RIOK2: variants seen among roughly 807,000 people sequenced by gnomAD.
RIOK2 encodes RIO kinase 2.
In RIOK2, 46 loss-of-function variants were observed where a neutral mutation model predicts 62.4. That is an observed-to-expected ratio of 0.74 (90% CI 0.58 to 0.94). The LOEUF is 0.94. Among genes scored for constraint, RIOK2 ranks in the 40% least tolerant of loss-of-function variants. RIOK2 has a pLI of 0.00. For missense variants in RIOK2, 574 were observed against 658.0 expected (o/e 0.87, Z 1.40); for synonymous variants, 197 against 216.0 (o/e 0.91, Z 0.77).
chr5:97,176,226 T>C (rs981901503), intron 4 of RIOK2: 2 of 152,262 alleles, frequency 1.3e-5, no homozygotes, highest in Non-Finnish European at 2.9e-5. Flanking sequence ...CAATACATTT[T>C]GTTTACTATA....
intron 4 of RIOK2, among the ~76,000 whole-genome samples, 179 bp from the exon 5 acceptor site, chr5:97,173,442 A>G (rs905756588): frequency 1.3e-5 from 2 of 152,244 alleles, no homozygotes; most frequent in African/African-American, 4.8e-5. Flanking sequence ...TTAGCCACAC[A>G]TAAAAAGCAA....
intron 4 of RIOK2, 130 bp downstream of exon 4, chr5:97,176,986 G>A: frequency 1.3e-6 from 1 of 747,860 alleles, no homozygotes; most frequent in Non-Finnish European, 2.2e-6. Flanking sequence ...TTAAGATTGA[G>A]TCTGTCTGTA....
Position 97,183,183 on chromosome 5 carries a change from T to G in RIOK2, c.9A>C (p.Lys3Asn). Residue 3 changes from lysine (K) to asparagine (N), a missense_variant, in exon 1 of 10, where the codon AAA (lysine) becomes AAC (asparagine). Physicochemically the swap from Lys to Asn is moderately conservative, Grantham distance 94 (BLOSUM62 0). Transcript: ENST00000283109. The stretch of plus-strand genomic sequence containing the variant: ...TGTAACGCAACTTGGCCACATTCAC[T>G]TTCCCCATGGCGGCCCCAGTCCGAA... MGKVNVAKLRYMS... is the reference protein window; with the variant it reads MGNVNVAKLRYMS... 6.2e-7 allele frequency: 1 copy of G among 1,614,112 alleles called. No homozygotes were observed. The highest frequency in any genetic ancestry group is 2.2e-5 in the East Asian group (1 of 44,870).
At position 97,161,317 on chromosome 5, in the gene RIOK2, G is replaced by C. The variant is rs908162723; in HGVS notation, c.*1744C>G. 6.6e-6 allele frequency: 1 copy of C among 152,084 alleles called. No homozygotes were observed. Among genetic ancestry groups the C allele is most frequent in the East Asian group, 1.9e-4 (1 of 5,202 alleles). The allele number at this position is 152,084 out of a possible 1,614,324, so 9.4% of individuals were successfully genotyped here. On this transcript the variant is annotated 3_prime_UTR_variant, in exon 10 of 10. Coordinates refer to ENST00000283109, the MANE Select transcript of RIOK2 (RefSeq NM_018343.3). ...TTAGTAAAATTTTGAATTTGTTTTT[G>C]TTCATTGTTCACTATGCATGTTTTA...
chr5:97,161,902 A>T lies in RIOK2; in HGVS notation c.*1159T>A, dbSNP rs1331084475. On this transcript the variant is annotated 3_prime_UTR_variant, in exon 10 of 10. Transcript: ENST00000283109. ...CTAAAATGCAAAGCAAGGGTATTTA[A>T]ATATTTGAATGTCAGGTAACTTTTG... 1 of 152,190 alleles carries T rather than the reference A, an allele frequency of 6.6e-6. No individual in the cohort carries two copies. The highest frequency in any genetic ancestry group is 1.5e-5 in the Non-Finnish European group (1 of 68,018). 9.4% of individuals were successfully genotyped at this position (152,190 alleles called of 1,614,324 possible). A position where few individuals can be genotyped will look rare whatever the true frequency, so the allele number is the denominator to read the frequency against.
intron 9 of RIOK2, among the ~76,000 whole-genome samples, 167 bp from the exon 10 acceptor site, chr5:97,163,392 T>A (rs1299231413): frequency 6.6e-6 from 1 of 152,156 alleles, no homozygotes; most frequent in Non-Finnish European, 1.5e-5. Flanking sequence ...CAAACAGAAA[T>A]ACAGATTATA....
chr5:97,163,374 T>C (rs1270802617), intron 9 of RIOK2, 149 bp from the exon 10 acceptor site: 1 of 700,938 alleles, frequency 1.4e-6, no homozygotes, highest in Non-Finnish European at 2.3e-6. Context: ...ATAGGAGAAA[T>C]TAAATTCCAA....
intron 8 of RIOK2, chr5:97,166,925 A>ATAT: frequency 9.4e-6 from 9 of 956,760 alleles, no homozygotes; most frequent in Non-Finnish European, 1.1e-5. Context: ...ATATATATAT[A>ATAT]TATTTTTGAG....
At chr5:97,173,340 T>C in intron 4 of RIOK2, 77 bp from the exon 5 acceptor site, 3 of 884,532 alleles carry the variant, frequency 3.4e-6, no homozygotes, top group Non-Finnish European at 5.3e-6. Context: ...AAATATACCT[T>C]TCTACAACCA....
At position 97,162,913 on chromosome 5, in the gene RIOK2, C is replaced by T; in HGVS notation, c.*148G>A. The stretch of plus-strand genomic sequence containing the variant: ...TGGCAGGTAATTATTCTTTGCAAGA[C>T]ACATACTGAATGACCAAATTTATAG... On this transcript the variant is annotated 3_prime_UTR_variant, in exon 10 of 10. Coordinates refer to ENST00000283109, the MANE Select transcript of RIOK2 (RefSeq NM_018343.3). 1.5e-6 allele frequency: 1 copy of T among 652,146 alleles called. No individual in the cohort carries two copies. Among genetic ancestry groups the T allele is most frequent in the Non-Finnish European group, 2.5e-6 (1 of 397,258 alleles). The allele number at this position is 652,146 out of a possible 1,614,324, so 40.4% of individuals were successfully genotyped here. A position where few individuals can be genotyped will look rare whatever the true frequency, so the allele number is the denominator to read the frequency against.
At chr5:97,169,036 G>C (rs1379218802) in intron 6 of RIOK2, among the ~76,000 whole-genome samples, 184 bp from the exon 7 acceptor site, 1 of 152,094 alleles carries the variant, frequency 6.6e-6, no homozygotes, top group African/African-American at 2.4e-5. Context: ...TAAAATCCAA[G>C]GAAATCTCAA....
At chr5:97,180,723 G>GA (rs1270263285) in intron 1 of RIOK2, among the ~76,000 whole-genome samples, 4 of 152,174 alleles carry the variant, frequency 2.6e-5, no homozygotes, top group African/African-American at 9.6e-5. Flanking sequence ...CAGCTCAGAG[G>GA]AAAGAGCCAC....
chr5:97,169,226 A>G (rs559794043), intron 6 of RIOK2, among the ~76,000 whole-genome samples: 9 of 152,286 alleles, frequency 5.9e-5, no homozygotes, highest in African/African-American at 2.2e-4. Context: ...GAGTCTGGCT[A>G]TGCTTCTTAT....
At position 97,171,251 on chromosome 5, in the gene RIOK2, A is replaced by G. The variant is rs780128896; in HGVS notation, c.734T>C (p.Ile245Thr). 1.9e-5 allele frequency: 30 copies of G among 1,598,526 alleles called. No individual in the cohort carries two copies. The highest frequency in any genetic ancestry group is 8.1e-5 in the African/African-American group (6 of 74,418). ...ILDESDHITM[I>T]DFPQMVSTSH... is the part of the protein sequence containing the mutation. ...AGTTGAAACCATCTGTGGAAAATCA[A>G]TCATGGTGATATGGTCACTTTCATC... The change falls in exon 6 of 10, where the codon ATT becomes ACT. Residue 245 changes from isoleucine (I) to threonine (T), a missense_variant. Physicochemically the swap from Ile to Thr is moderately conservative, Grantham distance 89. Transcript: ENST00000283109.
chr5:97,169,014 T>C (rs1290917183), intron 6 of RIOK2, among the ~76,000 whole-genome samples, 162 bp from the exon 7 acceptor site: 1 of 152,216 alleles, frequency 6.6e-6, no homozygotes. Context: ...TTAACCAGTG[T>C]GTTTGAAAAA....
chr5:97,162,852 A>T lies in RIOK2; in HGVS notation c.*209T>A. 2.0e-6 allele frequency: 1 copy of T among 497,468 alleles called. No homozygotes were observed. The highest frequency in any genetic ancestry group is 3.5e-6 in the Non-Finnish European group (1 of 284,792). The allele number at this position is 497,468 out of a possible 1,614,324, so 30.8% of individuals were successfully genotyped here. A position where few individuals can be genotyped will look rare whatever the true frequency, so the allele number is the denominator to read the frequency against. On this transcript the variant is annotated 3_prime_UTR_variant, in exon 10 of 10. Coordinates refer to ENST00000283109, the MANE Select transcript of RIOK2 (RefSeq NM_018343.3). The stretch of plus-strand genomic sequence containing the variant: ...GTCTCTAATAAAGTTACGTAACTGT[A>T]GTTACCCAAATTACTTTGAAAAAAA...
intron 5 of RIOK2, among the ~76,000 whole-genome samples, chr5:97,172,525 A>G (rs1184331427): frequency 1.3e-5 from 2 of 152,156 alleles, no homozygotes; most frequent in Non-Finnish European, 2.9e-5. Context: ...AATTACAACC[A>G]TTTCTTGCCT....
intron 1 of RIOK2, among the ~76,000 whole-genome samples, chr5:97,180,623 T>A (rs937152347): frequency 1.3e-5 from 2 of 152,246 alleles, no homozygotes; most frequent in Admixed American, 6.5e-5. Context: ...AACAGGGTTA[T>A]TTTAAGGACA....
intron 8 of RIOK2, chr5:97,166,432 AG>A: frequency 2.6e-6 from 1 of 383,684 alleles, no homozygotes; most frequent in South Asian, 2.0e-5. Flanking sequence ...TTAAAGATAA[AG>A]GTAGGCTTAA....
Sources: gnomAD v4.1 joint callset for allele counts (sites outside exome capture counted in the v4.1 genomes callset) on GRCh38, gnomAD v4.1.1 for gene constraint, MANE v1.5 for transcripts, NCBI Gene and HGNC (gene_info 2026-07-23, HGNC 2026-07-21) for gene names.